Variants in C12orf56 observed in about 807,000 individuals in gnomAD.
C12orf56 encodes the protein uncharacterized protein C12orf56.
In C12orf56, 71 loss-of-function variants were observed where a neutral mutation model predicts 69.9. The ratio of observed to expected loss-of-function variants is 1.02; its 90% confidence interval spans 0.84 to 1.24. The LOEUF (loss-of-function observed/expected upper bound fraction) is 1.24, where lower values mean the gene tolerates loss of function less well. Ranked by LOEUF, C12orf56 falls within the 50% of genes most tolerant of loss-of-function variation. The probability of loss-of-function intolerance (pLI) is 0.00; values close to 1 mark genes in which losing one functional copy is unlikely to be tolerated. For synonymous variants in C12orf56, 276 were observed against 274.1 expected (o/e 1.01, Z -0.07); for missense variants, 732 against 738.5 (o/e 0.99, Z 0.10).
At chr12:64,312,854 A>G (rs752958927) in intron 4 of C12orf56, 102 bp from the exon 5 acceptor site, 4 of 742,874 alleles carry the variant, frequency 5.4e-6, no homozygotes, top group Non-Finnish European at 8.6e-6. Flanking sequence ...AAGCCCTCCT[A>G]TAGTACACGA....
In C12orf56 at chr12:64,277,780, A is replaced by C. The variant is rs757805594; in HGVS notation, c.1334T>G (p.Val445Gly). Reference sequence around the variant, plus strand: ...AATCTGAGGCTCACTAATTAAAATTACCAAGAGATTAAATAGTGCTCCCCT... The same window carrying C: ...AATCTGAGGCTCACTAATTAAAATTCCCAAGAGATTAAATAGTGCTCCCCT... ...AKKGALFNLL[V>G]ILISEPQIPK... The change falls in exon 9 of 13, where the codon GTA (valine) becomes GGA (glycine). Residue 445 changes from valine (V) to glycine (G), a missense_variant. Physicochemically the swap from Val to Gly is moderately radical, Grantham distance 109. Coordinates refer to ENST00000543942, the MANE Select transcript of C12orf56 (RefSeq NM_001170633.2). The C allele has an allele frequency of 6.2e-7, 1 of 1,602,990 alleles. No individual in the cohort carries two copies. Among genetic ancestry groups the C allele is most frequent in the Non-Finnish European group, 8.5e-7 (1 of 1,173,636 alleles).
intron 3 of C12orf56, among the ~76,000 whole-genome samples, chr12:64,323,681 G>C (rs185270671): frequency 4.6e-4 from 66 of 143,890 alleles, no homozygotes; most frequent in African/African-American, 1.6e-3. Context: ...TTGCTTTTTT[G>C]TTTGTTTGTT....
chr12:64,320,601 TCTTTA>T (rs2038758738), intron 3 of C12orf56, among the ~76,000 whole-genome samples: 1 of 152,212 alleles, frequency 6.6e-6, no homozygotes, highest in Non-Finnish European at 1.5e-5. Flanking sequence ...CCATGACCTT[TCTTTA>T]CTTTGCTGCA....
chr12:64,351,832 C>G (rs2039225907), intron 2 of C12orf56, among the ~76,000 whole-genome samples: 1 of 150,686 alleles, frequency 6.6e-6, no homozygotes, highest in African/African-American at 2.4e-5. Context: ...CAAGCTGTAC[C>G]CCTTTCAAAT....
chr12:64,343,036 A>G (rs2039095116), intron 2 of C12orf56, among the ~76,000 whole-genome samples: 1 of 152,212 alleles, frequency 6.6e-6, no homozygotes, highest in African/African-American at 2.4e-5. Context: ...CACTTGATAA[A>G]TGAGCCAGAG....
At chr12:64,318,300 A>T (rs10459259) in intron 4 of C12orf56, among the ~76,000 whole-genome samples, 150,039 of 152,228 alleles carry the variant, frequency 0.99, 73,976 homozygotes, top group Middle Eastern at 1. Flanking sequence ...TGACCTCAAG[A>T]GATCCATCCA....
At chr12:64,333,834 G>A (rs1407973001) in intron 2 of C12orf56, among the ~76,000 whole-genome samples, 1 of 152,108 alleles carries the variant, frequency 6.6e-6, no homozygotes, top group Non-Finnish European at 1.5e-5. Flanking sequence ...TTGTAATAAT[G>A]GTCTGGAGAA....
chr12:64,312,604 G>C, intron 5 of C12orf56, 75 bp downstream of exon 5: 1 of 1,135,690 alleles, frequency 8.8e-7, no homozygotes, highest in African/African-American at 1.5e-5. Context: ...GTGAGACTCA[G>C]TTTCAAAAAA....
intron 1 of C12orf56, among the ~76,000 whole-genome samples, chr12:64,362,524 T>C (rs1202469727): frequency 6.6e-6 from 1 of 152,044 alleles, no homozygotes; most frequent in African/African-American, 2.4e-5. Flanking sequence ...AAACCCCATC[T>C]CTACTAAAAA....
chr12:64,313,027 G>A (rs372312204), intron 4 of C12orf56, among the ~76,000 whole-genome samples: 2 of 152,060 alleles, frequency 1.3e-5, no homozygotes, highest in South Asian at 2.1e-4. Context: ...TTGGGAGGCC[G>A]AGGCAGGCAG....
intron 2 of C12orf56, among the ~76,000 whole-genome samples, chr12:64,351,690 T>A (rs61931523): frequency 0.29 from 43,848 of 151,922 alleles, 6,532 homozygotes; most frequent in Admixed American, 0.37. Flanking sequence ...TCAGGGATAC[T>A]AGGATGGAAG....
chr12:64,342,922 A>G (rs6581548), intron 2 of C12orf56, among the ~76,000 whole-genome samples: 151,028 of 152,302 alleles, frequency 0.99, 74,891 homozygotes, highest in East Asian at 1. Flanking sequence ...TGGATCTGCC[A>G]GGTCATATGG....
chr12:64,272,135 C>T (rs1303362519), intron 11 of C12orf56, among the ~76,000 whole-genome samples: 1 of 152,060 alleles, frequency 6.6e-6, no homozygotes, highest in African/African-American at 2.4e-5. Flanking sequence ...GGCAGGAGGA[C>T]TGCTTGAGCC....
chr12:64,373,257 C>G (rs2039597685), intron 1 of C12orf56, among the ~76,000 whole-genome samples: 1 of 151,914 alleles, frequency 6.6e-6, no homozygotes, highest in Non-Finnish European at 1.5e-5. Flanking sequence ...AAGTTTGAGA[C>G]CAGCCTGGGC....
intron 1 of C12orf56, among the ~76,000 whole-genome samples, chr12:64,379,935 A>T (rs1321386184): frequency 2.8e-5 from 1 of 36,134 alleles, no homozygotes; most frequent in African/African-American, 4.7e-5. Flanking sequence ...TACAAAAAAA[A>T]AAAAAAAAAA....
At chr12:64,287,348 T>TC (rs2038221868) in intron 6 of C12orf56, among the ~76,000 whole-genome samples, 1 of 151,080 alleles carries the variant, frequency 6.6e-6, no homozygotes, top group South Asian at 2.1e-4. Context: ...AGTTTTTTTT[T>TC]GTTGTTTTTT....
intron 12 of C12orf56, among the ~76,000 whole-genome samples, chr12:64,269,281 A>C (rs1279461699): frequency 6.6e-6 from 1 of 152,126 alleles, no homozygotes; most frequent in East Asian, 1.9e-4. Flanking sequence ...TTTTCATCTT[A>C]AGTCAGAGAC....
At position 64,265,019 on chromosome 12, in the gene C12orf56, G is replaced by A. The variant is rs1388524140; in HGVS notation, c.*2164C>T. ...AGGCATGCAGAAATCATGTGGGAGAGAAACCCCAAGCCCTCACTAGAGCCT... is the reference window on the plus strand; with the variant it reads ...AGGCATGCAGAAATCATGTGGGAGAAAAACCCCAAGCCCTCACTAGAGCCT... On this transcript the variant is annotated 3_prime_UTR_variant, in exon 13 of 13. Transcript: ENST00000543942. 1 of 152,142 alleles carries A rather than the reference G, an allele frequency of 6.6e-6. No homozygotes were observed. Among genetic ancestry groups the A allele is most frequent in the Non-Finnish European group, 1.5e-5 (1 of 68,054 alleles). The allele number at this position is 152,142 out of a possible 1,614,324, so 9.4% of individuals were successfully genotyped here. A position where few individuals can be genotyped will look rare whatever the true frequency, so the allele number is the denominator to read the frequency against.
At chr12:64,295,587 T>C (rs4237925) in intron 6 of C12orf56, among the ~76,000 whole-genome samples, 150,000 of 152,202 alleles carry the variant, frequency 0.99, 73,952 homozygotes, top group Middle Eastern at 1. Flanking sequence ...TACTCAGCTA[T>C]TTGAGCCCAG....
Sources: allele counts gnomAD v4.1 joint callset (sites outside exome capture counted in the v4.1 genomes callset), GRCh38; gene constraint gnomAD v4.1.1; transcripts MANE v1.5; gene names NCBI Gene and HGNC (gene_info 2026-07-23, HGNC 2026-07-21).